SYT9: variants seen among roughly 807,000 people sequenced by gnomAD.
The protein encoded by SYT9 is synaptotagmin 9.
Under a neutral mutation model 48.4 loss-of-function variants are expected in SYT9, and 22 were observed. That is an observed-to-expected ratio of 0.45 (90% CI 0.32 to 0.65). The LOEUF (loss-of-function observed/expected upper bound fraction) is 0.65. SYT9 is among the 30% of genes least tolerant of loss of function. The pLI is 0.03. For missense variants in SYT9, 577 were observed against 622.0 expected, an observed-to-expected ratio of 0.93 and a Z score of 0.77; for synonymous variants, 265 against 245.0, an observed-to-expected ratio of 1.08 and a Z score of -0.76.
chr11:7,417,883 C>A, intron 4 of SYT9, 74 bp from the exon 5 acceptor site: 1 of 1,503,058 alleles, frequency 6.7e-7, no homozygotes, highest in Non-Finnish European at 9.0e-7. Flanking sequence ...TCCATGAAAA[C>A]TCACAGTGAT....
intron 3 of SYT9, among the ~76,000 whole-genome samples, chr11:7,342,407 T>C (rs1849729392): frequency 6.6e-6 from 1 of 151,820 alleles, no homozygotes; most frequent in Admixed American, 6.6e-5. Flanking sequence ...ATGGGAGAAA[T>C]TGGCCAAAAC....
intron 3 of SYT9, among the ~76,000 whole-genome samples, chr11:7,410,244 G>A (rs1014076486): frequency 6.6e-6 from 1 of 152,106 alleles, no homozygotes; most frequent in Non-Finnish European, 1.5e-5. Flanking sequence ...GTTGAGAATC[G>A]TTTTGTGACC....
chr11:7,313,946 G>A lies in SYT9; in HGVS notation c.1044+5G>A, dbSNP rs1849194909. The A allele has an allele frequency of 6.2e-7, 1 of 1,603,292 alleles. No homozygotes were observed. The highest frequency in any genetic ancestry group is 1.7e-5 in the Admixed American group (1 of 59,028). ...GATATCGAATATGTCACCAATGTGA[G>A]TCCAGCATTTCTTCATTTTTGTGGT... On this transcript the variant is annotated splice_donor_5th_base_variant and intron_variant, in intron 3 of 6. Coordinates refer to ENST00000318881, the MANE Select transcript of SYT9 (RefSeq NM_175733.4).
At chr11:7,337,085 G>A (rs934609154) in intron 3 of SYT9, among the ~76,000 whole-genome samples, 14 of 152,030 alleles carry the variant, frequency 9.2e-5, no homozygotes, top group Non-Finnish European at 7.4e-5. Context: ...GTATCCCTAG[G>A]TATTTTATTC....
intron 3 of SYT9, among the ~76,000 whole-genome samples, chr11:7,356,323 C>G (rs1354690403): frequency 6.6e-6 from 1 of 152,216 alleles, no homozygotes; most frequent in Non-Finnish European, 1.5e-5. Context: ...TGCGGACATT[C>G]AGCATCCACA....
At chr11:7,454,997 C>T (rs537394894) in intron 6 of SYT9, among the ~76,000 whole-genome samples, 7 of 152,236 alleles carry the variant, frequency 4.6e-5, no homozygotes, top group South Asian at 2.1e-4. Flanking sequence ...TGAGAGAAAA[C>T]GAATTCAGCT....
At chr11:7,335,486 G>T (rs906847656) in intron 3 of SYT9, among the ~76,000 whole-genome samples, 1 of 151,936 alleles carries the variant, frequency 6.6e-6, no homozygotes, top group African/African-American at 2.4e-5. Context: ...CCCCCAGAAG[G>T]TTCCAGTGTT....
At chr11:7,420,411 A>G in intron 5 of SYT9, 95 bp from the exon 6 acceptor site, 2 of 1,482,490 alleles carry the variant, frequency 1.3e-6, no homozygotes, top group Non-Finnish European at 1.8e-6. Flanking sequence ...CAAACAAAAA[A>G]CCACATCCCC....
chr11:7,452,732 A>G (rs1848077459), intron 6 of SYT9, among the ~76,000 whole-genome samples: 1 of 152,072 alleles, frequency 6.6e-6, no homozygotes, highest in Non-Finnish European at 1.5e-5. Context: ...GACAGTTATC[A>G]CACCCTGAGT....
chr11:7,461,929 C>T (rs1251818688), intron 6 of SYT9, among the ~76,000 whole-genome samples: 1 of 152,174 alleles, frequency 6.6e-6, no homozygotes, highest in Non-Finnish European at 1.5e-5. Context: ...TTCTAATGAG[C>T]CCCTCTCAGT....
At chr11:7,331,611 C>A (rs1261680708) in intron 3 of SYT9, among the ~76,000 whole-genome samples, 1 of 152,038 alleles carries the variant, frequency 6.6e-6, no homozygotes, top group African/African-American at 2.4e-5. Context: ...ATAGTCCCAC[C>A]TACTTGGAGG....
intron 3 of SYT9, among the ~76,000 whole-genome samples, chr11:7,355,144 C>T (rs1849993679): frequency 6.6e-6 from 1 of 152,220 alleles, no homozygotes; most frequent in Non-Finnish European, 1.5e-5. Flanking sequence ...CACCTGACTC[C>T]ACCAGAAATC....
chr11:7,429,282 GTCCAAGAGTAT>G (rs1564900518), intron 6 of SYT9, among the ~76,000 whole-genome samples: 1 of 152,218 alleles, frequency 6.6e-6, no homozygotes, highest in African/African-American at 2.4e-5. Context: ...CGCTGATTCA[GTCCAAGAGTAT>G]TATAAAACAT....
At chr11:7,349,320 C>T (rs1247962338) in intron 3 of SYT9, among the ~76,000 whole-genome samples, 1 of 151,764 alleles carries the variant, frequency 6.6e-6, no homozygotes, top group African/African-American at 2.4e-5. Context: ...GAACTGTATA[C>T]TTACACATGG....
chr11:7,437,515 G>A (rs1847733898), intron 6 of SYT9: 1 of 152,016 alleles, frequency 6.6e-6, no homozygotes, highest in African/African-American at 2.4e-5. Context: ...AATAAACACT[G>A]TGTGATATGC....
chr11:7,407,694 T>C (rs1167671924), intron 3 of SYT9, among the ~76,000 whole-genome samples: 1 of 152,184 alleles, frequency 6.6e-6, no homozygotes, highest in Admixed American at 6.5e-5. Context: ...GTCTATAATT[T>C]ATCTTCTGTT....
intron 6 of SYT9, among the ~76,000 whole-genome samples, chr11:7,424,989 T>G (rs1415378639): frequency 2.0e-5 from 3 of 152,054 alleles, no homozygotes; most frequent in Non-Finnish European, 4.4e-5. Flanking sequence ...TCTAGAAGGG[T>G]ATAAACTTAG....
chr11:7,279,982 G>C (rs1246700806), intron 1 of SYT9, among the ~76,000 whole-genome samples: 2 of 152,138 alleles, frequency 1.3e-5, no homozygotes, highest in East Asian at 3.9e-4. Context: ...AGAGCAATGA[G>C]GCATACTGAA....
intron 6 of SYT9, chr11:7,427,490 G>A (rs1847483095): frequency 6.6e-6 from 1 of 152,224 alleles, no homozygotes; most frequent in African/African-American, 2.4e-5. Context: ...CCTTTCATAA[G>A]AGAGAAGAAA....
Sources: gnomAD v4.1 joint callset for allele counts (sites outside exome capture counted in the v4.1 genomes callset) on GRCh38, gnomAD v4.1.1 for gene constraint, MANE v1.5 for transcripts, NCBI Gene and HGNC (gene_info 2026-07-23, HGNC 2026-07-21) for gene names.